HS6ST3: variants seen among roughly 807,000 people sequenced by gnomAD.
HS6ST3 encodes the protein heparan-sulfate 6-O-sulfotransferase 3.
A neutral mutation model predicts 36.7 loss-of-function variants in HS6ST3; 12 were observed. The ratio of observed to expected loss-of-function variants is 0.33; its 90% CI spans 0.21 to 0.53. HS6ST3 has a LOEUF of 0.53. HS6ST3 is among the 20% of genes least tolerant of loss of function. HS6ST3 has a pLI of 0.95. For synonymous variants in HS6ST3, 240 were observed against 257.5 expected (o/e 0.93, Z 0.65); for missense variants, 584 against 640.9 (o/e 0.91, Z 0.96).
chr13:96,177,026 A>G (rs918741015), intron 1 of HS6ST3, among the ~76,000 whole-genome samples: 5 of 152,200 alleles, frequency 3.3e-5, no homozygotes, highest in African/African-American at 9.6e-5. Context: ...AAAAAGCTCA[A>G]TATCACTGAT....
At chr13:96,314,289 T>C (rs940699066) in intron 1 of HS6ST3, among the ~76,000 whole-genome samples, 10 of 152,148 alleles carry the variant, frequency 6.6e-5, no homozygotes, top group Non-Finnish European at 1.2e-4. Context: ...CACCCAGATA[T>C]GAAATCCATT....
intron 1 of HS6ST3, among the ~76,000 whole-genome samples, chr13:96,822,370 C>A (rs1428431259): frequency 3.3e-5 from 5 of 152,154 alleles, no homozygotes; most frequent in African/African-American, 1.2e-4. Context: ...CAGGACCCTC[C>A]CTGGCACATT....
chr13:96,813,984 A>T (rs1398843896), intron 1 of HS6ST3, among the ~76,000 whole-genome samples: 1 of 152,204 alleles, frequency 6.6e-6, no homozygotes, highest in Non-Finnish European at 1.5e-5. Flanking sequence ...TATGGAGAGA[A>T]TAATTCTATG....
At position 96,090,987 on chromosome 13, in the gene HS6ST3, G is replaced by T. The variant is rs2053759061; in HGVS notation, c.125G>T (p.Arg42Leu). ...SSCTNFGEQP[R>L]AGEAGPPAVP... The stretch of plus-strand genomic sequence containing the variant: ...TGCACCAACTTCGGGGAGCAGCCCC[G>T]CGCGGGGGAGGCCGGCCCGCCCGCC... Residue 42 changes from arginine (R) to leucine (L), a missense_variant, in exon 1 of 2, where the codon CGC becomes CTC. Physicochemically the swap from Arg to Leu is moderately radical, Grantham distance 102. This residue lies in a region of HS6ST3 where 217 missense variants were observed against 205.4 expected (regional missense o/e 1.06). Transcript: ENST00000376705. 7.4e-7 allele frequency: 1 copy of T among 1,349,074 alleles called. No individual in the cohort carries two copies. The highest frequency in any genetic ancestry group is 9.6e-7 in the Non-Finnish European group (1 of 1,041,762). The allele number at this position is 1,349,074 out of a possible 1,614,324, so 83.6% of individuals were successfully genotyped here. A position where few individuals can be genotyped will look rare whatever the true frequency, so the allele number is the denominator to read the frequency against.
intron 1 of HS6ST3, among the ~76,000 whole-genome samples, chr13:96,717,015 A>C (rs1186066520): frequency 6.6e-6 from 1 of 152,182 alleles, no homozygotes; most frequent in East Asian, 1.9e-4. Context: ...AGCTAACGAG[A>C]CCTGTGAAAT....
At chr13:96,286,858 G>T (rs1311222622) in intron 1 of HS6ST3, among the ~76,000 whole-genome samples, 1 of 152,070 alleles carries the variant, frequency 6.6e-6, no homozygotes. Flanking sequence ...CCTTATTAAG[G>T]TATAATTAAT....
intron 1 of HS6ST3, among the ~76,000 whole-genome samples, chr13:96,108,089 A>G (rs919410402): frequency 6.6e-6 from 1 of 152,186 alleles, no homozygotes; most frequent in Non-Finnish European, 1.5e-5. Context: ...TATTTCTCTT[A>G]TTGCCGAAAA....
At chr13:96,517,218 TAAA>T (rs34202709) in intron 1 of HS6ST3, among the ~76,000 whole-genome samples, 1 of 147,794 alleles carries the variant, frequency 6.8e-6, no homozygotes. Flanking sequence ...TGTTCCTATT[TAAA>T]AAAAAAAAAA....
chr13:96,245,807 A>G (rs2054582442), intron 1 of HS6ST3, among the ~76,000 whole-genome samples: 2 of 152,150 alleles, frequency 1.3e-5, no homozygotes, highest in Admixed American at 1.3e-4. Context: ...TAGATGCAAA[A>G]GTCAAAAATT....
At chr13:96,654,026 A>G (rs561949408) in intron 1 of HS6ST3, among the ~76,000 whole-genome samples, 37 of 152,140 alleles carry the variant, frequency 2.4e-4, no homozygotes, top group Admixed American at 5.9e-4. Flanking sequence ...GTGTCTGTTC[A>G]TATCCTTCAC....
Position 96,241,511 on chromosome 13 carries a change from A to T in HS6ST3, c.707+149942A>T, listed in dbSNP as rs970927518. 9.2e-5 allele frequency among the ~76,000 whole-genome samples: 14 copies of T among 151,986 alleles called. No individual in the cohort carries two copies. The East Asian group carries it at 2.7e-3, about 29-fold the overall frequency. ...TATTTGTCAAAATACAAAATATGTT[A>T]CATTGGGTTTATCAATTGTATTTAA... On this transcript the variant is annotated intron_variant, in intron 1 of 1. Transcript: ENST00000376705.
At chr13:96,162,687 A>G in intron 1 of HS6ST3, among the ~76,000 whole-genome samples, 1 of 152,230 alleles carries the variant, frequency 6.6e-6, no homozygotes. Flanking sequence ...ACTTTATTAA[A>G]TCAAAGTCAA....
chr13:96,650,343 A>G, intron 1 of HS6ST3, among the ~76,000 whole-genome samples: 1 of 151,970 alleles, frequency 6.6e-6, no homozygotes, highest in East Asian at 1.9e-4. Flanking sequence ...GACACTATAA[A>G]TATCTAAGAA....
intron 1 of HS6ST3, among the ~76,000 whole-genome samples, chr13:96,318,349 T>A (rs1353410718): frequency 2.0e-5 from 3 of 151,734 alleles, no homozygotes; most frequent in Admixed American, 6.6e-5. Context: ...CTGGCCAACA[T>A]GGCAAAACCC....
intron 1 of HS6ST3, among the ~76,000 whole-genome samples, chr13:96,379,324 G>T (rs1463390716): frequency 6.6e-6 from 1 of 152,140 alleles, no homozygotes; most frequent in Non-Finnish European, 1.5e-5. Flanking sequence ...TAGGTCATGA[G>T]GGCAGAGCCC....
chr13:96,473,051 C>T (rs2055846975), intron 1 of HS6ST3, among the ~76,000 whole-genome samples: 1 of 152,138 alleles, frequency 6.6e-6, no homozygotes, highest in Admixed American at 6.5e-5. Context: ...CTAAAAGTCA[C>T]TTTCCAAAGC....
intron 1 of HS6ST3, among the ~76,000 whole-genome samples, chr13:96,601,284 C>G (rs2056420800): frequency 6.6e-6 from 1 of 152,052 alleles, no homozygotes; most frequent in South Asian, 2.1e-4. Context: ...ACTTTTTCTT[C>G]TCCCTCAGGA....
At chr13:96,522,991 G>A (rs1365359653) in intron 1 of HS6ST3, among the ~76,000 whole-genome samples, 3 of 152,190 alleles carry the variant, frequency 2.0e-5, no homozygotes, top group Admixed American at 6.5e-5. Context: ...TTTTTGCAGT[G>A]GCTGGTACCG....
intron 1 of HS6ST3, among the ~76,000 whole-genome samples, chr13:96,706,078 A>G (rs913314362): frequency 2.6e-5 from 4 of 152,154 alleles, no homozygotes; most frequent in African/African-American, 9.7e-5. Flanking sequence ...ACTTGCCACA[A>G]AACATAATCT....
Sources: gnomAD v4.1 joint callset for allele counts (sites outside exome capture counted in the v4.1 genomes callset) on GRCh38, gnomAD v4.1.1 for gene constraint, gnomAD v4.1.1 regional missense constraint, MANE v1.5 for transcripts, NCBI Gene and HGNC (gene_info 2026-07-23, HGNC 2026-07-21) for gene names.